The following STK32B variants were observed in gnomAD, a reference collection of about 807,000 sequenced individuals.
The protein encoded by STK32B is serine/threonine kinase 32B.
A neutral mutation model predicts 52.6 loss-of-function variants in STK32B; 43 were observed. The ratio of observed to expected loss-of-function variants is 0.82; its 90% CI spans 0.64 to 1.05. The LOEUF is 1.05. Ranked by LOEUF, STK32B falls within the 50% of genes least tolerant of loss-of-function variation. The pLI is 0.00. For missense variants in STK32B, 621 were observed against 534.6 expected (o/e 1.16, Z -1.59); for synonymous variants, 238 against 204.3 (o/e 1.17, Z -1.41).
intron 3 of STK32B, among the ~76,000 whole-genome samples, chr4:5,199,168 A>G (rs1200146595): frequency 1.3e-5 from 2 of 152,186 alleles, no homozygotes; most frequent in African/African-American, 2.4e-5. Context: ...CTCAGCCACA[A>G]TTCCAGCTAA....
At chr4:5,329,329 A>G (rs1452302875) in intron 3 of STK32B, among the ~76,000 whole-genome samples, 1 of 152,134 alleles carries the variant, frequency 6.6e-6, no homozygotes, top group East Asian at 1.9e-4. Context: ...CCATGTCACC[A>G]TGGTGACTCC....
Position 5,499,046 on chromosome 4 carries a change from T to A in STK32B, c.1208T>A (p.Leu403His). ...SKLQDGCNNN[L>H]LTHTCTRGCS... Reference sequence around the variant, plus strand: ...CTCCAGGACGGGTGCAACAACAACCTCCTCACCCACACCTGCACCCGTGGC... The same window carrying A: ...CTCCAGGACGGGTGCAACAACAACCACCTCACCCACACCTGCACCCGTGGC... Residue 403 changes from leucine (L) to histidine (H), a missense_variant, in exon 12 of 12, where the codon CTC becomes CAC. By Grantham distance (99) the Leu-to-His change is moderately conservative (BLOSUM62 -3). Coordinates refer to ENST00000282908, the MANE Select transcript of STK32B (RefSeq NM_018401.3). The A allele has an allele frequency of 1.2e-6, 2 of 1,613,326 alleles. No homozygotes were observed. The highest frequency in any genetic ancestry group is 1.7e-6 in the Non-Finnish European group (2 of 1,179,608).
rs151094893 is a variant in STK32B, at chr4:5,134,245, C to G, written c.53-5660C>G. Among the ~76,000 whole-genome samples the G allele has an allele frequency of 2.0e-3, 310 of 152,238 alleles. 9 individuals are homozygous for G. In the East Asian group the frequency reaches 0.055, roughly 27 times the overall value. On this transcript the variant is annotated intron_variant, in intron 1 of 11. Coordinates refer to ENST00000282908, the MANE Select transcript of STK32B (RefSeq NM_018401.3). ...TTCCCCAAAGTTTATGTGTTGGAAA[C>G]TAAATTTCTAATGAAACAGTGTTGA...
chr4:5,145,927 A>G lies in STK32B; in HGVS notation c.108+5967A>G, dbSNP rs186723457. ...AAGAAAACCTGGCTCACCAAAACAT[A>G]CTCAATTCACAGAGATATTTTTCTA... On this transcript the variant is annotated intron_variant, in intron 2 of 11. Coordinates refer to ENST00000282908, the MANE Select transcript of STK32B (RefSeq NM_018401.3). 1.9e-3 allele frequency among the ~76,000 whole-genome samples: 286 copies of G among 152,288 alleles called. 1 individual carries two copies. The highest frequency in any genetic ancestry group is 6.6e-3 in the African/African-American group (276 of 41,560).
chr4:5,043,112 C>CAAA, the STK32B span, among the ~76,000 whole-genome samples: 13 of 74,356 alleles, frequency 1.7e-4, no homozygotes, highest in African/African-American at 3.7e-4. Context: ...GACTCCGTCT[C>CAAA]AAAAAAAAAA....
intron 1 of STK32B, among the ~76,000 whole-genome samples, chr4:5,087,145 A>T (rs890913197): frequency 2.0e-5 from 3 of 152,174 alleles, no homozygotes; most frequent in African/African-American, 7.2e-5. Context: ...AAGCTATAAT[A>T]TGTGGTAAAA....
the STK32B span, among the ~76,000 whole-genome samples, chr4:5,038,759 A>G: frequency 3.3e-5 from 5 of 152,186 alleles, no homozygotes; most frequent in Admixed American, 6.5e-5. Flanking sequence ...GTGAATGGGA[A>G]GGCCTAGGAC....
At chr4:5,416,795 C>A in intron 5 of STK32B, 50 bp from the exon 6 acceptor site, 1 of 1,552,306 alleles carries the variant, frequency 6.4e-7, no homozygotes, top group East Asian at 2.3e-5. Context: ...TTAAATAACC[C>A]AGCTGCCTGC....
At chr4:5,392,298 C>T (rs1350880242) in intron 4 of STK32B, among the ~76,000 whole-genome samples, 4 of 152,024 alleles carry the variant, frequency 2.6e-5, no homozygotes, top group Admixed American at 1.3e-4. Flanking sequence ...TGGTGGTGCA[C>T]GCCTGTAATC....
At position 5,322,021 on chromosome 4, in the gene STK32B, AGTG is replaced by A. The variant is rs200486087; in HGVS notation, c.261-9194_261-9192del. Among the ~76,000 whole-genome samples, 18 of 47,728 alleles carry A rather than the reference AGTG, an allele frequency of 3.8e-4. No homozygotes were observed. In the South Asian group the frequency reaches 5.6e-3, roughly 15 times the overall value. 31.3% of individuals were successfully genotyped at this position (47,728 alleles called of 152,430 possible). A position where few individuals can be genotyped will look rare whatever the true frequency, so the allele number is the denominator to read the frequency against. The stretch of plus-strand genomic sequence containing the variant: ...CAAGTCAAATTAAAAAAAAAAAAAA[AGTG>A]GTGGGAGTGGGGGTGGGGGGTTGGG... On this transcript the variant is annotated intron_variant, in intron 3 of 11. Transcript: ENST00000282908.
chr4:5,080,734 T>C (rs1216655249), intron 1 of STK32B, among the ~76,000 whole-genome samples: 1 of 152,162 alleles, frequency 6.6e-6, no homozygotes, highest in Non-Finnish European at 1.5e-5. Flanking sequence ...GAAATGATTA[T>C]CATAATCATA....
intron 1 of STK32B, among the ~76,000 whole-genome samples, chr4:5,118,669 A>G (rs571439567): frequency 1.3e-5 from 2 of 152,288 alleles, no homozygotes; most frequent in African/African-American, 4.8e-5. Context: ...TGCCACTCAC[A>G]GTTGTCCTAC....
At chr4:5,296,447 T>A (rs969448221) in intron 3 of STK32B, among the ~76,000 whole-genome samples, 6 of 152,240 alleles carry the variant, frequency 3.9e-5, no homozygotes, top group Admixed American at 6.5e-5. Flanking sequence ...TGGGTGCTCC[T>A]GTATTGGGTG....
chr4:5,356,020 C>T (rs1734149169), intron 4 of STK32B, among the ~76,000 whole-genome samples: 1 of 152,148 alleles, frequency 6.6e-6, no homozygotes, highest in Non-Finnish European at 1.5e-5. Flanking sequence ...CTGAGAGAGG[C>T]AGGCACTGGG....
intron 6 of STK32B, among the ~76,000 whole-genome samples, chr4:5,439,420 C>T (rs1248781039): frequency 6.6e-6 from 1 of 151,928 alleles, no homozygotes; most frequent in Non-Finnish European, 1.5e-5. Context: ...AATGTCTGTT[C>T]ATGTCCTTCG....
chr4:5,183,974 C>T (rs1271377692), intron 3 of STK32B, among the ~76,000 whole-genome samples: 2 of 152,160 alleles, frequency 1.3e-5, no homozygotes, highest in Non-Finnish European at 2.9e-5. Context: ...CTATCCAGAC[C>T]ACTCAAACTT....
At chr4:5,032,330 G>T in the STK32B span, among the ~76,000 whole-genome samples, 1 of 151,498 alleles carries the variant, frequency 6.6e-6, no homozygotes, top group African/African-American at 2.4e-5. Context: ...AAAATTAGCC[G>T]GGCGTGGTGG....
chr4:5,070,861 C>T (rs956268979), intron 1 of STK32B, among the ~76,000 whole-genome samples: 4 of 152,186 alleles, frequency 2.6e-5, no homozygotes, highest in East Asian at 1.9e-4. Context: ...CCTTTGTATC[C>T]GGCGGAACCT....
At chr4:5,089,217 T>A (rs970631358) in intron 1 of STK32B, among the ~76,000 whole-genome samples, 1 of 144,108 alleles carries the variant, frequency 6.9e-6, no homozygotes, top group Non-Finnish European at 1.6e-5. Context: ...TTCTTTTTTT[T>A]CTTTATTCTA....
Sources: allele counts gnomAD v4.1 joint callset (sites outside exome capture counted in the v4.1 genomes callset), GRCh38; gene constraint gnomAD v4.1.1; transcripts MANE v1.5; gene names NCBI Gene and HGNC (gene_info 2026-07-23, HGNC 2026-07-21).